Variants in WWOX observed in about 807,000 individuals in gnomAD.
WWOX encodes WW domain containing oxidoreductase.
A neutral mutation model predicts 46.2 loss-of-function variants in WWOX; 69 were observed. The ratio of observed to expected loss-of-function variants is 1.49; its 90% CI spans 1.23 to 1.82. The LOEUF is 1.82. Ranked by LOEUF, WWOX falls within the 40% of genes most tolerant of loss-of-function variation. The pLI is 0.00. For missense variants in WWOX, 919 were observed against 542.6 expected (o/e 1.69, Z -6.89); for synonymous variants, 359 against 202.6 (o/e 1.77, Z -6.56).
At chr16:78,906,724 A>G (rs1201430086) in intron 8 of WWOX, among the ~76,000 whole-genome samples, 1 of 152,230 alleles carries the variant, frequency 6.6e-6, no homozygotes, top group East Asian at 1.9e-4. Flanking sequence ...GGATGTGCCC[A>G]GTTTAAGCTC....
At chr16:79,022,425 G>A (rs908973038) in intron 8 of WWOX, among the ~76,000 whole-genome samples, 29 of 150,076 alleles carry the variant, frequency 1.9e-4, no homozygotes, top group African/African-American at 3.7e-4. Context: ...TGCCCCAGTC[G>A]CTAGTAAATA....
chr16:79,161,684 A>C (rs2050489707), intron 8 of WWOX, among the ~76,000 whole-genome samples: 1 of 151,888 alleles, frequency 6.6e-6, no homozygotes. Flanking sequence ...ATGCCCGGCT[A>C]GTTTTTGTAT....
At chr16:78,542,018 C>CAAAAA (rs548366256) in intron 8 of WWOX, among the ~76,000 whole-genome samples, 1,318 of 40,622 alleles carry the variant, frequency 0.032, 323 homozygotes, top group East Asian at 0.049. Flanking sequence ...CAGAGTATAC[C>CAAAAA]AAAAAAAAAA....
At chr16:78,322,416 T>C (rs1464052755) in intron 5 of WWOX, among the ~76,000 whole-genome samples, 1 of 152,206 alleles carries the variant, frequency 6.6e-6, no homozygotes, top group Non-Finnish European at 1.5e-5. Context: ...CACTGAGTGT[T>C]CGTGATCGCC....
chr16:78,890,005 A>G (rs2044553453), intron 8 of WWOX, among the ~76,000 whole-genome samples: 1 of 152,066 alleles, frequency 6.6e-6, no homozygotes, highest in Non-Finnish European at 1.5e-5. Context: ...TCTTTCTCCT[A>G]AATGTTAGGA....
intron 8 of WWOX, among the ~76,000 whole-genome samples, chr16:78,834,856 C>G (rs1316268377): frequency 1.3e-5 from 2 of 152,072 alleles, no homozygotes; most frequent in East Asian, 3.9e-4. Flanking sequence ...CATGATTGTT[C>G]GTAATGACAT....
At chr16:78,538,552 GC>G (rs1471754285) in intron 8 of WWOX, among the ~76,000 whole-genome samples, 1 of 152,116 alleles carries the variant, frequency 6.6e-6, no homozygotes, top group Non-Finnish European at 1.5e-5. Context: ...AGACGAGCAT[GC>G]TCTGAACTCC....
chr16:79,160,683 A>G (rs1404845589), intron 8 of WWOX, among the ~76,000 whole-genome samples: 1 of 152,212 alleles, frequency 6.6e-6, no homozygotes, highest in Non-Finnish European at 1.5e-5. Flanking sequence ...GTCCCATACA[A>G]TCTTGGCAGA....
At chr16:78,816,981 A>G (rs915205338) in intron 8 of WWOX, among the ~76,000 whole-genome samples, 3 of 152,040 alleles carry the variant, frequency 2.0e-5, no homozygotes, top group African/African-American at 7.3e-5. Flanking sequence ...GGCCTGAGCT[A>G]TTGCCCAAAC....
At chr16:78,682,838 CT>C (rs1192673263) in intron 8 of WWOX, among the ~76,000 whole-genome samples, 1 of 152,188 alleles carries the variant, frequency 6.6e-6, no homozygotes, top group Non-Finnish European at 1.5e-5. Context: ...GCCTTAATGC[CT>C]GCTGCAAATA....
At chr16:78,615,287 C>A (rs911385670) in intron 8 of WWOX, among the ~76,000 whole-genome samples, 3 of 152,106 alleles carry the variant, frequency 2.0e-5, no homozygotes, top group African/African-American at 7.2e-5. Flanking sequence ...GACGTCAGGT[C>A]CCCTAGGAGT....
chr16:79,008,424 C>A (rs1173228753), intron 8 of WWOX, among the ~76,000 whole-genome samples: 1 of 152,198 alleles, frequency 6.6e-6, no homozygotes, highest in Admixed American at 6.5e-5. Context: ...ATTCCTCCCC[C>A]TTTGCTTGGT....
At chr16:78,892,800 A>G (rs2044619608) in intron 8 of WWOX, among the ~76,000 whole-genome samples, 1 of 152,222 alleles carries the variant, frequency 6.6e-6, no homozygotes, top group African/African-American at 2.4e-5. Context: ...GATTTGGACC[A>G]ACCTGCAGTT....
rs551612170 is a variant in WWOX at position 79,141,183 on chromosome 16, G to T, written c.1057-70425G>T. On this transcript the variant is annotated intron_variant, in intron 8 of 8. Transcript: ENST00000566780. ...GGAGAGGCTATTCAGAAACTCAAAAGAATGCAAACATTTGTCTCTTATCTA... is the reference window on the plus strand; with the variant it reads ...GGAGAGGCTATTCAGAAACTCAAAATAATGCAAACATTTGTCTCTTATCTA... 9.2e-5 allele frequency among the ~76,000 whole-genome samples: 14 copies of T among 152,296 alleles called. No homozygotes were observed. The East Asian group carries it at 2.7e-3, about 29-fold the overall frequency.
At chr16:78,933,512 G>A (rs2045668549) in intron 8 of WWOX, among the ~76,000 whole-genome samples, 1 of 152,238 alleles carries the variant, frequency 6.6e-6, no homozygotes, top group Admixed American at 6.5e-5. Flanking sequence ...GAATAGGTTA[G>A]GTTAGGATAC....
At chr16:78,235,160 ATTG>A (rs1417990033) in intron 5 of WWOX, among the ~76,000 whole-genome samples, 1 of 152,304 alleles carries the variant, frequency 6.6e-6, no homozygotes, top group East Asian at 1.9e-4. Flanking sequence ...ATTTAGTATT[ATTG>A]TTGTTACTGT....
intron 8 of WWOX, among the ~76,000 whole-genome samples, chr16:78,822,790 G>A (rs1157500569): frequency 2.6e-5 from 4 of 152,148 alleles, no homozygotes; most frequent in Non-Finnish European, 5.9e-5. Flanking sequence ...TCTTAAGGAA[G>A]TCTACTTTCT....
intron 8 of WWOX, among the ~76,000 whole-genome samples, chr16:79,127,141 A>G (rs898824035): frequency 2.0e-5 from 3 of 152,186 alleles, no homozygotes; most frequent in Non-Finnish European, 4.4e-5. Flanking sequence ...AACAAGGTGT[A>G]TATGTATATA....
intron 5 of WWOX, among the ~76,000 whole-genome samples, chr16:78,244,123 G>T (rs2037744201): frequency 6.6e-6 from 1 of 152,204 alleles, no homozygotes; most frequent in Admixed American, 6.5e-5. Flanking sequence ...TTCTGCCTGT[G>T]CAATGGTGGG....
Sources: allele counts gnomAD v4.1 joint callset (sites outside exome capture counted in the v4.1 genomes callset), GRCh38; gene constraint gnomAD v4.1.1; transcripts MANE v1.5; gene names NCBI Gene and HGNC (gene_info 2026-07-23, HGNC 2026-07-21).